The following MDGA2 variants were observed in gnomAD, a reference collection of about 807,000 sequenced individuals.
MDGA2 encodes MAM domain-containing glycosylphosphatidylinositol anchor protein 2.
A neutral mutation model predicts 117.8 loss-of-function variants in MDGA2; 40 were observed. The observed-to-expected ratio is 0.34, with a 90% CI of 0.26 to 0.44. The LOEUF (loss-of-function observed/expected upper bound fraction) is 0.44, where lower values mean the gene tolerates loss of function less well. MDGA2 is among the 20% of genes least tolerant of loss of function. The pLI, the probability that MDGA2 is intolerant of heterozygous loss-of-function variation, is 1.00. For synonymous variants in MDGA2, 452 were observed against 439.0 expected (o/e 1.03, Z -0.37); for missense variants, 1,123 against 1,250.6 (o/e 0.90, Z 1.54).
intron 1 of MDGA2, among the ~76,000 whole-genome samples, chr14:47,660,743 G>A (rs988311325): frequency 1.2e-5 from 1 of 86,088 alleles, no homozygotes; most frequent in Non-Finnish European, 2.8e-5. Flanking sequence ...TAGTACACCT[G>A]ACAGTGGTTA....
intron 3 of MDGA2, among the ~76,000 whole-genome samples, chr14:47,207,634 C>T (rs1274115499): frequency 1.3e-5 from 2 of 151,888 alleles, no homozygotes; most frequent in African/African-American, 4.8e-5. Context: ...ATTTAGAATA[C>T]AGCGCTTAGG....
chr14:46,953,358 A>G (rs1348752588), intron 9 of MDGA2, among the ~76,000 whole-genome samples: 1 of 151,770 alleles, frequency 6.6e-6, no homozygotes, highest in African/African-American at 2.4e-5. Flanking sequence ...CATTTAAAAG[A>G]ATCTTAAAAT....
At chr14:46,845,223 G>T (rs537181901) in intron 16 of MDGA2, among the ~76,000 whole-genome samples, 1 of 152,232 alleles carries the variant, frequency 6.6e-6, no homozygotes, top group African/African-American at 2.4e-5. Context: ...CCTTCTCTCA[G>T]CAATTCTCCT....
At chr14:47,336,656 T>C (rs1489785981) in intron 1 of MDGA2, among the ~76,000 whole-genome samples, 1 of 151,882 alleles carries the variant, frequency 6.6e-6, no homozygotes, top group African/African-American at 2.4e-5. Context: ...AGGAAAGAGC[T>C]TTTACATTAA....
At chr14:47,307,933 A>G (rs1212801397) in intron 1 of MDGA2, among the ~76,000 whole-genome samples, 3 of 152,168 alleles carry the variant, frequency 2.0e-5, no homozygotes, top group African/African-American at 4.8e-5. Context: ...GAAGCTAAAG[A>G]AAGAGACTTA....
At chr14:46,943,497 C>A (rs1374260943) in intron 9 of MDGA2, among the ~76,000 whole-genome samples, 1 of 151,874 alleles carries the variant, frequency 6.6e-6, no homozygotes, top group Non-Finnish European at 1.5e-5. Context: ...TGACTAAATT[C>A]AAAAAACTTT....
intron 7 of MDGA2, among the ~76,000 whole-genome samples, chr14:47,053,216 T>C (rs1213051909): frequency 1.3e-5 from 2 of 151,968 alleles, no homozygotes; most frequent in Non-Finnish European, 2.9e-5. Context: ...TTTCTTCTTT[T>C]TTTATCATCT....
At chr14:47,532,226 C>A (rs564977463) in intron 1 of MDGA2, among the ~76,000 whole-genome samples, 1 of 152,300 alleles carries the variant, frequency 6.6e-6, no homozygotes, top group Admixed American at 6.5e-5. Flanking sequence ...AAGTCAATTA[C>A]GATTGCAGTC....
At chr14:47,483,850 G>A (rs946057373) in intron 1 of MDGA2, among the ~76,000 whole-genome samples, 7 of 152,108 alleles carry the variant, frequency 4.6e-5, no homozygotes, top group Non-Finnish European at 8.8e-5. Flanking sequence ...AAAGACAAGA[G>A]CTGAGGACAT....
chr14:46,921,731 T>G lies in MDGA2; in HGVS notation c.2090-1571A>C, dbSNP rs190075687. ...TTGATAATTTGTATTTGAAACAAAA[T>G]TTTTCAAAATGAAATAAAGGAGGTG... On this transcript the variant is annotated intron_variant, in intron 9 of 16. Transcript: ENST00000399232. 8.5e-5 allele frequency among the ~76,000 whole-genome samples: 13 copies of G among 152,208 alleles called. No homozygotes were observed. In the East Asian group the frequency reaches 2.5e-3, roughly 29 times the overall value.
intron 6 of MDGA2, among the ~76,000 whole-genome samples, chr14:47,075,812 A>G (rs920946876): frequency 6.6e-6 from 1 of 152,180 alleles, no homozygotes; most frequent in African/African-American, 2.4e-5. Flanking sequence ...TGAGAAATTA[A>G]TATTAAAAAA....
chr14:47,540,540 G>GTGTGTATATATATATATA lies in MDGA2; in HGVS notation c.280+133976_280+133977insTATATATATATATACACA. ...TGTATATGTGTGTGTGTGTGTGTGT[G>GTGTGTATATATATATATA]TATATATATATATGTATATATATAC... is the stretch of plus-strand genomic sequence containing the variant. On this transcript the variant is annotated intron_variant, in intron 1 of 16. Transcript: ENST00000399232. Among the ~76,000 whole-genome samples the GTGTGTATATATATATATA allele has an allele frequency of 3.4e-4, 27 of 79,208 alleles. 1 individual carries two copies. Among genetic ancestry groups the GTGTGTATATATATATATA allele is most frequent in the African/African-American group, 1.0e-3 (26 of 25,532 alleles). 52.0% of individuals were successfully genotyped at this position (79,208 alleles called of 152,430 possible).
chr14:47,632,681 C>A (rs1392836618), intron 1 of MDGA2, among the ~76,000 whole-genome samples: 3 of 152,102 alleles, frequency 2.0e-5, no homozygotes, highest in Admixed American at 6.5e-5. Flanking sequence ...TAAATAATGA[C>A]CTTCTTAATT....
chr14:47,516,409 T>C (rs926666077), intron 1 of MDGA2, among the ~76,000 whole-genome samples: 1 of 152,170 alleles, frequency 6.6e-6, no homozygotes, highest in East Asian at 1.9e-4. Context: ...CCTTTGAACT[T>C]ATTCTTAGCG....
intron 1 of MDGA2, among the ~76,000 whole-genome samples, chr14:47,347,414 A>G (rs1890784685): frequency 1.3e-5 from 2 of 152,198 alleles, no homozygotes; most frequent in Non-Finnish European, 2.9e-5. Context: ...TTTTGATGGT[A>G]GAATTTTAAA....
intron 4 of MDGA2, among the ~76,000 whole-genome samples, chr14:47,143,802 T>A (rs1398773668): frequency 1.3e-5 from 2 of 152,140 alleles, no homozygotes; most frequent in East Asian, 3.9e-4. Context: ...CTATGTACAT[T>A]ATAGTGAAAC....
chr14:47,057,462 A>G (rs1889719601), intron 7 of MDGA2, among the ~76,000 whole-genome samples: 3 of 152,012 alleles, frequency 2.0e-5, no homozygotes. Flanking sequence ...AGGAAACACT[A>G]ATTTTAAATT....
At chr14:47,084,867 C>A (rs1238730324) in intron 6 of MDGA2, among the ~76,000 whole-genome samples, 1 of 152,146 alleles carries the variant, frequency 6.6e-6, no homozygotes, top group Non-Finnish European at 1.5e-5. Context: ...GGATCTAGAA[C>A]TGTGAGACAT....
intron 10 of MDGA2, among the ~76,000 whole-genome samples, chr14:46,913,717 T>G (rs1479516399): frequency 6.6e-6 from 1 of 152,178 alleles, no homozygotes; most frequent in Non-Finnish European, 1.5e-5. Flanking sequence ...AAATGAAGTT[T>G]GCACCTCAGT....
Sources: allele counts gnomAD v4.1 joint callset (sites outside exome capture counted in the v4.1 genomes callset), GRCh38; gene constraint gnomAD v4.1.1; transcripts MANE v1.5; gene names NCBI Gene and HGNC (gene_info 2026-07-23, HGNC 2026-07-21).